The following CDYL2 variants were observed in gnomAD, a reference collection of about 807,000 sequenced individuals.
The protein encoded by CDYL2 is chromodomain Y like 2.
Under a neutral mutation model 49.4 loss-of-function variants are expected in CDYL2, and 23 were observed. The observed-to-expected ratio is 0.47, with a 90% CI of 0.34 to 0.66. CDYL2 has a LOEUF of 0.66. CDYL2 is among the 30% of genes least tolerant of loss of function. The pLI is 0.01. For missense variants in CDYL2, 678 were observed against 656.4 expected (o/e 1.03, Z -0.36); for synonymous variants, 360 against 268.8 (o/e 1.34, Z -3.32).
At chr16:80,659,067 GGATGGA>G (rs1394790697) in intron 2 of CDYL2, among the ~76,000 whole-genome samples, 11 of 139,410 alleles carry the variant, frequency 7.9e-5, no homozygotes, top group African/African-American at 2.8e-4. Context: ...ATGGATGGAT[GGATGGA>G]TGGATGGATG....
At chr16:80,626,649 G>A (rs1907317834) in intron 3 of CDYL2, among the ~76,000 whole-genome samples, 1 of 152,174 alleles carries the variant, frequency 6.6e-6, no homozygotes, top group African/African-American at 2.4e-5. Flanking sequence ...ACAAGGCATG[G>A]CGTGTGCCTG....
intron 1 of CDYL2, among the ~76,000 whole-genome samples, chr16:80,788,667 G>T (rs547145055): frequency 6.6e-6 from 1 of 152,198 alleles, no homozygotes; most frequent in African/African-American, 2.4e-5. Context: ...AGGCACCTAG[G>T]ATGACTGGCT....
intron 3 of CDYL2, among the ~76,000 whole-genome samples, chr16:80,627,074 G>A (rs1907338159): frequency 6.6e-6 from 1 of 152,030 alleles, no homozygotes; most frequent in African/African-American, 2.4e-5. Flanking sequence ...GGAAAAAACA[G>A]GGCTGGATGT....
At chr16:80,694,568 G>A (rs187113347) in intron 1 of CDYL2, among the ~76,000 whole-genome samples, 1 of 152,280 alleles carries the variant, frequency 6.6e-6, no homozygotes, top group Admixed American at 6.5e-5. Flanking sequence ...AGAGATATCA[G>A]TATAAACTCA....
intron 1 of CDYL2, among the ~76,000 whole-genome samples, chr16:80,692,874 C>A (rs915767045): frequency 3.3e-5 from 5 of 152,070 alleles, no homozygotes; most frequent in African/African-American, 4.8e-5. Flanking sequence ...TAAAATGACA[C>A]GATCAATGAT....
intron 2 of CDYL2, among the ~76,000 whole-genome samples, chr16:80,635,872 A>G (rs1907798961): frequency 6.6e-6 from 1 of 152,216 alleles, no homozygotes; most frequent in Non-Finnish European, 1.5e-5. Context: ...AGACATATAG[A>G]CCAATGGAAC....
At chr16:80,636,533 A>G (rs1043207984) in intron 2 of CDYL2, among the ~76,000 whole-genome samples, 1 of 152,204 alleles carries the variant, frequency 6.6e-6, no homozygotes, top group African/African-American at 2.4e-5. Context: ...TAGAATGGAG[A>G]TCATTAAGAA....
chr16:80,642,234 G>A (rs1319760980), intron 2 of CDYL2, among the ~76,000 whole-genome samples: 1 of 152,142 alleles, frequency 6.6e-6, no homozygotes, highest in East Asian at 1.9e-4. Context: ...CTTGAGGTCA[G>A]GAGTTCGTGA....
At chr16:80,631,140 T>C (rs1376820887) in intron 3 of CDYL2, among the ~76,000 whole-genome samples, 5 of 152,212 alleles carry the variant, frequency 3.3e-5, no homozygotes, top group Admixed American at 6.5e-5. Context: ...TGGCACCTAC[T>C]TGGTTAAGCT....
At chr16:80,766,592 C>G (rs1412157298) in intron 1 of CDYL2, among the ~76,000 whole-genome samples, 1 of 152,122 alleles carries the variant, frequency 6.6e-6, no homozygotes, top group Admixed American at 6.5e-5. Context: ...ATGAGGCAGG[C>G]ACTACTCTTA....
In CDYL2 at chr16:80,770,617, G is replaced by A. The variant is rs12102950; in HGVS notation, c.24+33533C>T. 3.0e-3 allele frequency among the ~76,000 whole-genome samples: 456 copies of A among 152,204 alleles called. 2 individuals carry two copies. The highest frequency in any genetic ancestry group is 0.011 in the African/African-American group (446 of 41,540). On this transcript the variant is annotated intron_variant, in intron 1 of 6. Transcript: ENST00000570137. ...CTGAAACAATAAATTCAAAAATGGGGCAGATGTGCCATAAAATAATTCATG... is the reference window on the plus strand; with the variant it reads ...CTGAAACAATAAATTCAAAAATGGGACAGATGTGCCATAAAATAATTCATG...
rs150927969 is a variant in CDYL2, at chr16:80,747,641, G to A, written c.24+56509C>T. ...CCTTCTAGCATCAGGATTGAGCTTC[G>A]TCCCCTTCCCAACTTCTGAGGCCAG... is the stretch of plus-strand genomic sequence containing the variant. On this transcript the variant is annotated intron_variant, in intron 1 of 6. Coordinates refer to ENST00000570137, the MANE Select transcript of CDYL2 (RefSeq NM_152342.4). Among the ~76,000 whole-genome samples, 394 of 152,118 alleles carry A rather than the reference G, an allele frequency of 2.6e-3. 1 individual carries two copies. The highest frequency in any genetic ancestry group is 3.9e-3 in the Non-Finnish European group (263 of 67,984).
intron 1 of CDYL2, among the ~76,000 whole-genome samples, chr16:80,753,612 A>G (rs1430567803): frequency 3.3e-5 from 5 of 151,704 alleles, no homozygotes; most frequent in Non-Finnish European, 7.4e-5. Context: ...CCATCTCAAA[A>G]AAAGAAAAAA....
At chr16:80,731,306 A>G (rs1348563841) in intron 1 of CDYL2, among the ~76,000 whole-genome samples, 1 of 152,160 alleles carries the variant, frequency 6.6e-6, no homozygotes, top group African/African-American at 2.4e-5. Context: ...CTGAAATATA[A>G]GACAGTAACA....
intron 1 of CDYL2, among the ~76,000 whole-genome samples, chr16:80,752,811 G>C (rs148033810): frequency 6.6e-6 from 1 of 152,304 alleles, no homozygotes; most frequent in Non-Finnish European, 1.5e-5. Flanking sequence ...TGACATCACT[G>C]AATGTAGAGA....
At chr16:80,690,794 A>G (rs577605714) in intron 1 of CDYL2, among the ~76,000 whole-genome samples, 1 of 152,222 alleles carries the variant, frequency 6.6e-6, no homozygotes, top group Non-Finnish European at 1.5e-5. Flanking sequence ...AGCCCCTACC[A>G]TGCCAGCCAC....
At chr16:80,755,678 C>G (rs549022311) in intron 1 of CDYL2, among the ~76,000 whole-genome samples, 2 of 152,260 alleles carry the variant, frequency 1.3e-5, no homozygotes, top group East Asian at 3.9e-4. Flanking sequence ...CACAGAGTTA[C>G]AAAGAAATCA....
chr16:80,752,085 C>A (rs1483092211), intron 1 of CDYL2, among the ~76,000 whole-genome samples: 1 of 151,554 alleles, frequency 6.6e-6, no homozygotes, highest in African/African-American at 2.4e-5. Flanking sequence ...AAATAGATAA[C>A]CATGTGGACA....
chr16:80,689,331 T>C (rs1231762000), intron 1 of CDYL2, among the ~76,000 whole-genome samples: 1 of 152,242 alleles, frequency 6.6e-6, no homozygotes, highest in Non-Finnish European at 1.5e-5. Context: ...GGATTAATAC[T>C]GATGACAATC....
Sources: allele counts gnomAD v4.1 joint callset (sites outside exome capture counted in the v4.1 genomes callset), GRCh38; gene constraint gnomAD v4.1.1; transcripts MANE v1.5; gene names NCBI Gene and HGNC (gene_info 2026-07-23, HGNC 2026-07-21).